SH3RF3: variants seen among roughly 807,000 people sequenced by gnomAD.
SH3RF3 encodes E3 ubiquitin-protein ligase SH3RF3.
SH3RF3 carries 29 observed loss-of-function variants against 66.3 expected under a neutral mutation model. The ratio of observed to expected loss-of-function variants is 0.44; its 90% confidence interval spans 0.33 to 0.60. SH3RF3 has a LOEUF of 0.60. SH3RF3 is among the 20% of genes least tolerant of loss of function. SH3RF3 has a pLI of 0.04. For synonymous variants in SH3RF3, 583 were observed against 532.0 expected (o/e 1.10, Z -1.32); for missense variants, 1,194 against 1,190.9 (o/e 1.00, Z -0.04).
chr2:109,300,329 G>A (rs751846507), intron 1 of SH3RF3, among the ~76,000 whole-genome samples: 80 of 152,074 alleles, frequency 5.3e-4, no homozygotes, highest in Non-Finnish European at 1.0e-3. Context: ...ATAGTCGCAC[G>A]CCACCATGTC....
intron 1 of SH3RF3, among the ~76,000 whole-genome samples, chr2:109,341,941 G>A (rs188362971): frequency 8.1e-4 from 123 of 152,204 alleles, no homozygotes; most frequent in African/African-American, 2.8e-3. Flanking sequence ...GAAGCAGAAA[G>A]TGGGTATCAG....
intron 1 of SH3RF3, among the ~76,000 whole-genome samples, chr2:109,259,352 A>G (rs774627008): frequency 3.2e-4 from 49 of 152,232 alleles, no homozygotes; most frequent in Non-Finnish European, 6.2e-4. Context: ...TGAGACCACC[A>G]TCCAGAGCCG....
chr2:109,356,438 C>T (rs532929601), intron 2 of SH3RF3, among the ~76,000 whole-genome samples: 2 of 152,346 alleles, frequency 1.3e-5, no homozygotes, highest in Admixed American at 1.3e-4. Flanking sequence ...ATTCACTAAT[C>T]TCACAGTAGC....
At chr2:109,203,078 C>T (rs565497979) in intron 1 of SH3RF3, among the ~76,000 whole-genome samples, 12 of 152,280 alleles carry the variant, frequency 7.9e-5, no homozygotes, top group East Asian at 5.8e-4. Context: ...ACAGAAGCTC[C>T]GTCGAGCCTG....
chr2:109,325,323 CTTTCTTTCTTT>C (rs1480611393), intron 1 of SH3RF3, among the ~76,000 whole-genome samples: 2 of 119,198 alleles, frequency 1.7e-5, no homozygotes, highest in Non-Finnish European at 3.4e-5. Context: ...TTCTTTCTTT[CTTTCTTTCTTT>C]TTTTTTTTTT....
chr2:109,138,826 G>A (rs1318086231), intron 1 of SH3RF3, among the ~76,000 whole-genome samples: 1 of 152,200 alleles, frequency 6.6e-6, no homozygotes, highest in African/African-American at 2.4e-5. Flanking sequence ...CCACACATAT[G>A]TACTGACTGC....
Position 109,333,924 on chromosome 2 carries a change from C to A in SH3RF3, c.574-13750C>A, listed in dbSNP as rs571940856. ...TGTCTCCTAAGGTTGCTATGAAGTT[C>A]AGAAGAATTAATAATGAGGACATGC... On this transcript the variant is annotated intron_variant, in intron 1 of 9. Coordinates refer to ENST00000309415, the MANE Select transcript of SH3RF3 (RefSeq NM_001099289.3). Among the ~76,000 whole-genome samples, 68 of 152,168 alleles carry A rather than the reference C, an allele frequency of 4.5e-4. 1 individual carries two copies. The highest frequency in any genetic ancestry group is 4.0e-3 in the Admixed American group (61 of 15,288).
intron 1 of SH3RF3, among the ~76,000 whole-genome samples, chr2:109,331,488 G>A (rs1682285477): frequency 6.6e-6 from 1 of 151,984 alleles, no homozygotes. Flanking sequence ...GGGCTCCCGC[G>A]TCTACTCCTT....
rs201914781 is a variant in SH3RF3 at position 109,190,177 on chromosome 2, AT to A, written c.573+60077del. 9.0e-3 allele frequency among the ~76,000 whole-genome samples: 1,315 copies of A among 145,344 alleles called. 14 individuals are homozygous for A. The highest frequency in any genetic ancestry group is 0.041 in the East Asian group (204 of 5,000). ...TCTATTACAATCACCTTGACATCCT[AT>A]TTTTTTTTTTTTGAGACGGAGTCTC... On this transcript the variant is annotated intron_variant, in intron 1 of 9. Coordinates refer to ENST00000309415, the MANE Select transcript of SH3RF3 (RefSeq NM_001099289.3).
At chr2:109,438,359 C>G (rs1205280281) in intron 7 of SH3RF3, among the ~76,000 whole-genome samples, 2 of 152,114 alleles carry the variant, frequency 1.3e-5, no homozygotes, top group African/African-American at 4.8e-5. Flanking sequence ...CTTTGGGTGC[C>G]CAATGTCTGG....
chr2:109,160,719 C>G (rs1481722476), intron 1 of SH3RF3, among the ~76,000 whole-genome samples: 2 of 152,206 alleles, frequency 1.3e-5, no homozygotes, highest in Non-Finnish European at 2.9e-5. Flanking sequence ...CAGCCTGTCC[C>G]TGCTCCTACT....
intron 1 of SH3RF3, among the ~76,000 whole-genome samples, chr2:109,262,892 G>A (rs919481849): frequency 5.3e-5 from 8 of 152,046 alleles, no homozygotes; most frequent in Non-Finnish European, 1.0e-4. Context: ...GAGTGCAGTG[G>A]CATGATCTTG....
At chr2:109,359,209 G>A (rs6749211) in intron 2 of SH3RF3, among the ~76,000 whole-genome samples, 19,775 of 152,128 alleles carry the variant, frequency 0.13, 1,431 homozygotes, top group Middle Eastern at 0.24. Flanking sequence ...AAGTCATGTA[G>A]TGTTGGCCCT....
At position 109,214,047 on chromosome 2, in the gene SH3RF3, A is replaced by G. The variant is rs147740910; in HGVS notation, c.573+83934A>G. On this transcript the variant is annotated intron_variant, in intron 1 of 9. Coordinates refer to ENST00000309415, the MANE Select transcript of SH3RF3 (RefSeq NM_001099289.3). Reference sequence around the variant, plus strand: ...AGACCAGCCCTGCAGTTCTGGTTGGAGGAAATGGAGGGCAGGCAGTGGTCA... The same window carrying G: ...AGACCAGCCCTGCAGTTCTGGTTGGGGGAAATGGAGGGCAGGCAGTGGTCA... Among the ~76,000 whole-genome samples the G allele has an allele frequency of 4.9e-3, 747 of 152,102 alleles. 5 individuals carry two copies. The highest frequency in any genetic ancestry group is 0.017 in the African/African-American group (712 of 41,502).
chr2:109,437,242 C>T, intron 7 of SH3RF3, 96 bp downstream of exon 7: 1 of 1,456,222 alleles, frequency 6.9e-7, no homozygotes, highest in Non-Finnish European at 9.1e-7. Flanking sequence ...TCCAGCAGTG[C>T]ATGTGTGGCT....
chr2:109,151,471 T>A (rs1214819274), intron 1 of SH3RF3, among the ~76,000 whole-genome samples: 1 of 152,252 alleles, frequency 6.6e-6, no homozygotes, highest in Non-Finnish European at 1.5e-5. Context: ...ATATTTAATT[T>A]AAAAATTTCT....
At chr2:109,363,259 T>C (rs1683088627) in intron 2 of SH3RF3, among the ~76,000 whole-genome samples, 1 of 152,160 alleles carries the variant, frequency 6.6e-6, no homozygotes, top group Non-Finnish European at 1.5e-5. Flanking sequence ...TTGGTTGCAT[T>C]GGAGTCTGCA....
chr2:109,236,576 G>C (rs1395726431), intron 1 of SH3RF3, among the ~76,000 whole-genome samples: 1 of 152,192 alleles, frequency 6.6e-6, no homozygotes, highest in Non-Finnish European at 1.5e-5. Flanking sequence ...AGATGACAAT[G>C]AATGAGGGCT....
intron 1 of SH3RF3, among the ~76,000 whole-genome samples, chr2:109,323,775 T>C (rs751962009): frequency 1.3e-5 from 2 of 152,234 alleles, no homozygotes; most frequent in African/African-American, 2.4e-5. Flanking sequence ...GTTTTATAGA[T>C]GTTAATTATT....
Sources: gnomAD v4.1 joint callset for allele counts (sites outside exome capture counted in the v4.1 genomes callset) on GRCh38, gnomAD v4.1.1 for gene constraint, MANE v1.5 for transcripts, NCBI Gene and HGNC (gene_info 2026-07-23, HGNC 2026-07-21) for gene names.